STX16: variants seen among roughly 807,000 people sequenced by gnomAD.
The protein encoded by STX16 is syntaxin 16.
STX16 carries 28 observed loss-of-function variants against 42.7 expected under a neutral mutation model. That is an observed-to-expected ratio of 0.66 (90% CI 0.49 to 0.90). The LOEUF (loss-of-function observed/expected upper bound fraction) is 0.90, where lower values mean the gene tolerates loss of function less well. Among genes scored for constraint, STX16 ranks in the 40% least tolerant of loss-of-function variants. STX16 has a pLI of 0.00. For synonymous variants in STX16, 156 were observed against 155.2 expected, an observed-to-expected ratio of 1.00 and a Z score of -0.04; for missense variants, 361 against 420.9, an observed-to-expected ratio of 0.86 and a Z score of 1.24.
chr20:58,666,129 G>A (rs2083821181), intron 2 of STX16, among the ~76,000 whole-genome samples: 1 of 152,014 alleles, frequency 6.6e-6, no homozygotes, highest in Admixed American at 6.6e-5. Flanking sequence ...TTTAATGAAT[G>A]AAAAAATAAA....
rs887274953 is a variant in STX16, at chr20:58,652,313, A to G, written c.132+175A>G. ...CATCTGTAGCCCTGGATGAGGAAGA[A>G]GCGGTGCTGTGAGGCCGCAGCTCCA... On this transcript the variant is annotated intron_variant, in intron 1 of 8. Coordinates refer to ENST00000371141, the MANE Select transcript of STX16 (RefSeq NM_001001433.3). 4 of 945,524 alleles carry G rather than the reference A, an allele frequency of 4.2e-6. No individual in the cohort carries two copies. In the African/African-American group the frequency reaches 6.5e-5, roughly 15 times the overall value. 58.6% of individuals were successfully genotyped at this position (945,524 alleles called of 1,614,324 possible). A position where few individuals can be genotyped will look rare whatever the true frequency, so the allele number is the denominator to read the frequency against.
Position 58,669,279 on chromosome 20 carries a change from T to G in STX16, c.394-12T>G. The G allele has an allele frequency of 6.2e-7, 1 of 1,609,162 alleles. No homozygotes were observed. Among genetic ancestry groups the G allele is most frequent in the African/African-American group, 1.3e-5 (1 of 74,986 alleles). On this transcript the variant is annotated splice_polypyrimidine_tract_variant and intron_variant, in intron 4 of 8. Coordinates refer to ENST00000371141, the MANE Select transcript of STX16 (RefSeq NM_001001433.3). ...CCCAGGCTTGCCCTGAGCCTCGGGCTTGTTCTCTTAGCTCTTCCACAGGTG... is the reference window on the plus strand; with the variant it reads ...CCCAGGCTTGCCCTGAGCCTCGGGCGTGTTCTCTTAGCTCTTCCACAGGTG...
chr20:58,660,950 A>C (rs1389574889), intron 2 of STX16, among the ~76,000 whole-genome samples: 4 of 151,322 alleles, frequency 2.6e-5, no homozygotes, highest in Non-Finnish European at 4.4e-5. Context: ...AAAAAAAAAA[A>C]CACCACTCAA....
chr20:58,675,481 T>TG (rs756681008), intron 8 of STX16, among the ~76,000 whole-genome samples: 5 of 152,174 alleles, frequency 3.3e-5, no homozygotes, highest in Non-Finnish European at 7.4e-5. Context: ...GCAGGCATGA[T>TG]GGAGTTCCCG....
At chr20:58,652,377 C>CT (rs992812298) in intron 1 of STX16, 5 of 586,198 alleles carry the variant, frequency 8.5e-6, no homozygotes, top group Non-Finnish European at 1.2e-5. Context: ...CAGCACCCCC[C>CT]CCCCCGCACC....
chr20:58,676,042 A>AT, intron 8 of STX16, 145 bp from the exon 9 acceptor site: 1 of 643,360 alleles, frequency 1.6e-6, no homozygotes, highest in South Asian at 1.9e-5. Context: ...CGTGGGATTG[A>AT]TTGGAGGGAT....
At chr20:58,675,882 A>G (rs1354930820) in intron 8 of STX16, among the ~76,000 whole-genome samples, 2 of 152,234 alleles carry the variant, frequency 1.3e-5, no homozygotes, top group African/African-American at 4.8e-5. Flanking sequence ...AGCCGGGAGA[A>G]GCAGGCCCAG....
rs746280542 is a variant in STX16 at position 58,667,998 on chromosome 20, T to C, written c.264T>C (p.Asp88=). The C allele has an allele frequency of 2.5e-6, 4 of 1,614,138 alleles. No individual in the cohort carries two copies. In the East Asian group the frequency reaches 6.7e-5, roughly 27 times the overall value. The change falls in exon 4 of 9, where the codon GAT becomes GAC. Residue 88 remains aspartate (D), a synonymous_variant. Transcript: ENST00000371141. ...WVDGVDEIQY[D]VGRIKQKMKE... is the part of the protein sequence containing the mutation. The stretch of plus-strand genomic sequence containing the variant: ...CTTCATTTGCTTAGATTCAGTATGA[T>C]GTTGGCCGGATTAAGCAGAAGATGA...
At chr20:58,662,418 G>A (rs1459279657) in intron 2 of STX16, among the ~76,000 whole-genome samples, 2 of 151,480 alleles carry the variant, frequency 1.3e-5, no homozygotes, top group Non-Finnish European at 2.9e-5. Context: ...GAGTATGTAT[G>A]TTAGTTGAGA....
At position 58,651,599 on chromosome 20, in the gene STX16, T is replaced by G; in HGVS notation, c.-408T>G. 5.6e-6 allele frequency: 1 copy of G among 177,084 alleles called. No homozygotes were observed. Among genetic ancestry groups the G allele is most frequent in the South Asian group, 1.0e-4 (1 of 9,886 alleles). The allele number at this position is 177,084 out of a possible 1,614,324, so 11.0% of individuals were successfully genotyped here. ...GACGCTTACGAGCCAAAGTTAGGGGTAGAGAGCAGAGACCTCCGGGGGGTC... is the reference window on the plus strand; with the variant it reads ...GACGCTTACGAGCCAAAGTTAGGGGGAGAGAGCAGAGACCTCCGGGGGGTC... On this transcript the variant is annotated 5_prime_UTR_variant, in exon 1 of 9. Coordinates refer to ENST00000371141, the MANE Select transcript of STX16 (RefSeq NM_001001433.3).
chr20:58,661,097 T>C (rs879192962), intron 2 of STX16, among the ~76,000 whole-genome samples: 14 of 152,136 alleles, frequency 9.2e-5, no homozygotes, highest in Admixed American at 5.2e-4. Flanking sequence ...GCAGGCGTTC[T>C]GAGTTAAAAT....
rs1175161349 is a variant in STX16 at position 58,677,992 on chromosome 20, TAAG to T, written c.*1705_*1707del. 5 of 152,228 alleles carry T rather than the reference TAAG, an allele frequency of 3.3e-5. No homozygotes were observed. Among genetic ancestry groups the T allele is most frequent in the African/African-American group, 1.2e-4 (5 of 41,450 alleles). 9.4% of individuals were successfully genotyped at this position (152,228 alleles called of 1,614,324 possible). ...TTGCTTAGGAAAGAGGGCCGGAGAA[TAAG>T]AAGCCAGCACCTCATCAGTCAGCCC... On this transcript the variant is annotated 3_prime_UTR_variant, in exon 9 of 9. Transcript: ENST00000371141.
In STX16 at chr20:58,655,984, A is replaced by G. The variant is rs373527860; in HGVS notation, c.133-3639A>G. On this transcript the variant is annotated intron_variant, in intron 1 of 8. Transcript: ENST00000371141. ...TTCCCATGCATTTTACTTTGGCCTC[A>G]GTTTTGAGTGCCCCATCACGTTCAT... Among the ~76,000 whole-genome samples the G allele has an allele frequency of 8.5e-5, 13 of 152,264 alleles. No individual in the cohort carries two copies. In the East Asian group the frequency reaches 2.3e-3, roughly 27 times the overall value.
intron 2 of STX16, among the ~76,000 whole-genome samples, chr20:58,660,759 T>G (rs1232854292): frequency 6.8e-6 from 1 of 148,016 alleles, no homozygotes; most frequent in East Asian, 2.0e-4. Context: ...TAACTCATAT[T>G]TATGCTTGTG....
At chr20:58,671,454 GTGTGTGTGTGTGTGTGTGTA>G (rs2083972842) in intron 7 of STX16, among the ~76,000 whole-genome samples, 157 bp downstream of exon 7, 6 of 129,490 alleles carry the variant, frequency 4.6e-5, no homozygotes, top group African/African-American at 1.7e-4. Context: ...GTGTGTGTGT[GTGTGTGTGTGTGTGTGTGTA>G]TATTAATATT....
chr20:58,652,267 C>G (rs975534803), intron 1 of STX16, 129 bp downstream of exon 1: 1 of 1,377,994 alleles, frequency 7.3e-7, no homozygotes, highest in Non-Finnish European at 9.9e-7. Flanking sequence ...ATAATAAGAT[C>G]TCTTGGCTAG....
At chr20:58,673,770 G>T in intron 8 of STX16, 59 bp downstream of exon 8, 1 of 1,239,266 alleles carries the variant, frequency 8.1e-7, no homozygotes, top group Non-Finnish European at 1.2e-6. Flanking sequence ...ATCAAGAATT[G>T]GTAAGAGGGT....
At position 58,671,438 on chromosome 20, in the gene STX16, GT is replaced by G. The variant is rs2083970876; in HGVS notation, c.792+142del. On this transcript the variant is annotated intron_variant, in intron 7 of 8. Transcript: ENST00000371141. ...GCACCTGTCCTTTATGTGTGTGTGG[GT>G]GTGTGTGTGTGTGTGTGTGTGTGTG... is the stretch of plus-strand genomic sequence containing the variant. 5.4e-4 allele frequency: 116 copies of G among 216,372 alleles called. No homozygotes were observed. The South Asian group carries it at 6.5e-3, about 12-fold the overall frequency. 13.4% of individuals were successfully genotyped at this position (216,372 alleles called of 1,614,324 possible).
At chr20:58,668,379 CATT>C (rs1195527141) in intron 4 of STX16, among the ~76,000 whole-genome samples, 1 of 152,156 alleles carries the variant, frequency 6.6e-6, no homozygotes, top group Non-Finnish European at 1.5e-5. Context: ...AAATTTCAAA[CATT>C]ATCGAGTTCA....
Sources: allele counts gnomAD v4.1 joint callset (sites outside exome capture counted in the v4.1 genomes callset), GRCh38; gene constraint gnomAD v4.1.1; transcripts MANE v1.5; gene names NCBI Gene and HGNC (gene_info 2026-07-23, HGNC 2026-07-21).